Variants in NOD1 observed in about 807,000 individuals in gnomAD.
NOD1 encodes nucleotide-binding oligomerization domain-containing protein 1.
In NOD1, 70 loss-of-function variants were observed where a neutral mutation model predicts 81.2. That is an observed-to-expected ratio of 0.86 (90% CI 0.71 to 1.05). The LOEUF is 1.05. NOD1 is among the 50% of genes least tolerant of loss of function. The probability of loss-of-function intolerance (pLI) is 0.00; values close to 1 mark genes in which losing one functional copy is unlikely to be tolerated. For synonymous variants in NOD1, 508 were observed against 526.9 expected, an observed-to-expected ratio of 0.96 and a Z score of 0.49; for missense variants, 1,233 against 1,228.0, an observed-to-expected ratio of 1.00 and a Z score of -0.06.
intron 1 of NOD1, chr7:30,460,257 G>A (rs1296534412): frequency 2.0e-6 from 2 of 985,316 alleles, no homozygotes; most frequent in Admixed American, 6.1e-5. Context: ...ATGGGAGACT[G>A]GAGATCAATT....
rs748057160 is a variant in NOD1 at position 30,448,386 on chromosome 7, A to C, written c.2202-5T>G. 6 of 1,612,788 alleles carry C rather than the reference A, an allele frequency of 3.7e-6. No individual in the cohort carries two copies. The highest frequency in any genetic ancestry group is 2.5e-6 in the Non-Finnish European group (3 of 1,178,874). ...GTGATCTGGTTTACGCTGAGTCTGA[A>C]ATAAAACAGCAAAAAAATTACGAGT... On this transcript the variant is annotated splice_polypyrimidine_tract_variant and splice_region_variant and intron_variant, in intron 6 of 13. Coordinates refer to ENST00000222823, the MANE Select transcript of NOD1 (RefSeq NM_006092.4).
At chr7:30,471,492 G>T (rs1478334803) in intron 1 of NOD1, among the ~76,000 whole-genome samples, 1 of 152,256 alleles carries the variant, frequency 6.6e-6, no homozygotes, top group African/African-American at 2.4e-5. Context: ...CCACACAGTG[G>T]AGGCTTTTCC....
intron 8 of NOD1, 50 bp downstream of exon 8, chr7:30,446,916 AG>A (rs778738375): frequency 3.7e-6 from 5 of 1,368,754 alleles, no homozygotes; most frequent in East Asian, 2.3e-5. Flanking sequence ...GAACAACAGA[AG>A]GGGGTGATCA....
chr7:30,454,992 C>G lies in NOD1; in HGVS notation c.376+145G>C, dbSNP rs1214937431. The G allele has an allele frequency of 9.2e-6, 7 of 764,502 alleles. No individual in the cohort carries two copies. The East Asian group carries it at 1.8e-4, about 20-fold the overall frequency. The allele number at this position is 764,502 out of a possible 1,614,324, so 47.4% of individuals were successfully genotyped here. ...AGCCACCTGGGCTGCACTTGGGAGA[C>G]AGGATTCAGCTGTTCCTTTCTAAAA... On this transcript the variant is annotated intron_variant, in intron 5 of 13. Coordinates refer to ENST00000222823, the MANE Select transcript of NOD1 (RefSeq NM_006092.4).
chr7:30,465,993 C>T (rs994882207), intron 1 of NOD1, among the ~76,000 whole-genome samples: 6 of 152,364 alleles, frequency 3.9e-5, no homozygotes, highest in Non-Finnish European at 8.8e-5. Context: ...CCTGTCCTGA[C>T]CCTCCCTCCT....
chr7:30,469,193 C>G lies in NOD1; in HGVS notation c.-351-9152G>C, dbSNP rs548690172. Reference sequence around the variant, plus strand: ...TGGAAAACAAGCCCGGTCATGTGGGCCTCTGCCATGCCAGAACACTATAGG... The same window carrying G: ...TGGAAAACAAGCCCGGTCATGTGGGGCTCTGCCATGCCAGAACACTATAGG... On this transcript the variant is annotated intron_variant, in intron 1 of 13. Coordinates refer to ENST00000222823, the MANE Select transcript of NOD1 (RefSeq NM_006092.4). The G allele has an allele frequency of 8.7e-5, 86 of 985,400 alleles. 2 individuals are homozygous for G. Among genetic ancestry groups the G allele is most frequent in the Middle Eastern group, 5.2e-4 (1 of 1,914 alleles). 61.0% of individuals were successfully genotyped at this position (985,400 alleles called of 1,614,324 possible).
Position 30,433,147 on chromosome 7 carries a change from G to C in NOD1, c.2654C>G (p.Ala885Gly), listed in dbSNP as rs1335629447. The C allele has an allele frequency of 3.7e-6, 6 of 1,613,954 alleles. No homozygotes were observed. The East Asian group carries it at 1.3e-4, about 36-fold the overall frequency. Residue 885 changes from alanine to glycine, a missense_variant, in exon 12 of 14, where the codon GCA (alanine) becomes GGA (glycine). Ala to Gly is a moderately conservative substitution (Grantham distance 60). Coordinates refer to ENST00000222823, the MANE Select transcript of NOD1 (RefSeq NM_006092.4). The part of the protein sequence containing the change: ...LTQNELNDEV[A>G]ESLAEMLKVN... ...TTTCAACATTTCTGCCAAACTCTCT[G>C]CCACTTCATCGTTGAGTTCATTTTG...
chr7:30,469,099 A>G, intron 1 of NOD1: 2 of 985,434 alleles, frequency 2.0e-6, no homozygotes, highest in Non-Finnish European at 2.4e-6. Context: ...ATGATCCACA[A>G]CAATCTGTGT....
Position 30,425,545 on chromosome 7 carries a change from G to GC in NOD1, c.*92dup, listed in dbSNP as rs1216340966. The stretch of plus-strand genomic sequence containing the variant: ...ACTCCTGATAGTCCCGCCTGCGCAG[G>GC]CCCCTTTAAGACACTGACACAAAAG... On this transcript the variant is annotated 3_prime_UTR_variant, in exon 14 of 14. Transcript: ENST00000222823. 1 of 892,758 alleles carries GC rather than the reference G, an allele frequency of 1.1e-6. No homozygotes were observed. The highest frequency in any genetic ancestry group is 1.6e-5 in the African/African-American group (1 of 60,762). 55.3% of individuals were successfully genotyped at this position (892,758 alleles called of 1,614,324 possible).
chr7:30,455,217 T>A lies in NOD1; in HGVS notation c.296A>T (p.Asp99Val), dbSNP rs146084871. 1.2e-4 allele frequency: 198 copies of A among 1,614,100 alleles called. 1 individual carries two copies. The highest frequency in any genetic ancestry group is 9.9e-4 in the Middle Eastern group (6 of 6,062). ...GATCTCCAGCAGCCAAGGCCTGAGG[T>A]CCACGTAGGCATCTGCGAGTTGCTG... The part of the protein sequence containing the change: ...LLQQLADAYV[D>V]LRPWLLEIGF... Residue 99 changes from aspartate (D) to valine (V), a missense_variant, in exon 5 of 14, where the codon GAC becomes GTC. Asp to Val is a radical substitution (Grantham distance 152). Transcript: ENST00000222823.
Position 30,439,264 on chromosome 7 carries a change from G to A in NOD1, c.2454-1608C>T, listed in dbSNP as rs568889354. On this transcript the variant is annotated intron_variant, in intron 9 of 13. Coordinates refer to ENST00000222823, the MANE Select transcript of NOD1 (RefSeq NM_006092.4). ...ATTGGAGGGAGGAGCCAAGATGGCC[G>A]AATAGGAACAGCTCCGGTCTACAGC... Among the ~76,000 whole-genome samples the A allele has an allele frequency of 2.4e-4, 34 of 141,360 alleles. 1 individual carries two copies. The highest frequency in any genetic ancestry group is 4.0e-4 in the Non-Finnish European group (27 of 67,914). 92.7% of individuals were successfully genotyped at this position (141,360 alleles called of 152,430 possible). A position where few individuals can be genotyped will look rare whatever the true frequency, so the allele number is the denominator to read the frequency against.
chr7:30,457,244 T>C (rs1397443553), intron 3 of NOD1, among the ~76,000 whole-genome samples: 1 of 152,086 alleles, frequency 6.6e-6, no homozygotes, highest in Non-Finnish European at 1.5e-5. Flanking sequence ...GTAAGGCCAG[T>C]AGTTTGAGAC....
At position 30,467,718 on chromosome 7, in the gene NOD1, T is replaced by G. The variant is rs1332061494; in HGVS notation, c.-351-7677A>C. Among the ~76,000 whole-genome samples, 1 of 152,200 alleles carries G rather than the reference T, an allele frequency of 6.6e-6. No individual in the cohort carries two copies. The highest frequency in any genetic ancestry group is 1.5e-5 in the Non-Finnish European group (1 of 68,034). On this transcript the variant is annotated intron_variant, in intron 1 of 13. Transcript: ENST00000222823. The surrounding 1 kb of genome is among the most constrained non-coding windows in gnomAD (Gnocchi z 4.5). ...GTTATTTTTGTTTGTTTGTTTGTTT[T>G]GAGACAGAGTTTCACTCTTGTCACC...
At chr7:30,446,880 G>C in intron 8 of NOD1, 87 bp downstream of exon 8, 1 of 1,085,058 alleles carries the variant, frequency 9.2e-7, no homozygotes, top group Admixed American at 2.2e-5. Context: ...TAGGATGAAA[G>C]CTCTTTACTG....
intron 1 of NOD1, among the ~76,000 whole-genome samples, chr7:30,474,475 C>T (rs11773041): frequency 0.012 from 1,875 of 152,266 alleles, 15 homozygotes; most frequent in Non-Finnish European, 0.021. Flanking sequence ...CAGACAGCGG[C>T]GAGTAGGGGC....
chr7:30,439,279 C>T (rs56770811), intron 9 of NOD1, among the ~76,000 whole-genome samples: 2,555 of 141,646 alleles, frequency 0.018, 264 homozygotes, highest in African/African-American at 0.074. Context: ...GGAACAGCTC[C>T]GGTCTACAGC....
chr7:30,477,893 C>T (rs1486942778), intron 1 of NOD1, among the ~76,000 whole-genome samples: 3 of 152,096 alleles, frequency 2.0e-5, no homozygotes, highest in African/African-American at 7.2e-5. Flanking sequence ...CTTCCCCAGA[C>T]TTAATTTCAA....
intron 1 of NOD1, chr7:30,460,415 C>T (rs1013025662): frequency 7.1e-5 from 70 of 985,216 alleles, no homozygotes; most frequent in South Asian, 9.4e-5. Flanking sequence ...AAAGAGAGGA[C>T]GGAGATTGGG....
chr7:30,426,585 C>T (rs1414906607), intron 13 of NOD1, among the ~76,000 whole-genome samples: 3 of 152,084 alleles, frequency 2.0e-5, no homozygotes, highest in East Asian at 1.9e-4. Flanking sequence ...GGTCTTTTTG[C>T]ATTGCAGATC....
Sources: gnomAD v4.1 joint callset for allele counts (sites outside exome capture counted in the v4.1 genomes callset) on GRCh38, gnomAD v4.1.1 for gene constraint, Gnocchi (gnomAD v3.1) non-coding constraint, MANE v1.5 for transcripts, NCBI Gene and HGNC (gene_info 2026-07-23, HGNC 2026-07-21) for gene names.